ZFP1: variants seen among roughly 807,000 people sequenced by gnomAD.
ZFP1 encodes the protein ZFP1 zinc finger protein.
ZFP1 carries 32 observed loss-of-function variants against 38.5 expected under a neutral mutation model. That is an observed-to-expected ratio of 0.83 (90% confidence interval 0.63 to 1.12). The LOEUF is 1.12. ZFP1 is among the 50% of genes most tolerant of loss of function. ZFP1 has a pLI of 0.00. For synonymous variants in ZFP1, 245 were observed against 168.8 expected, an observed-to-expected ratio of 1.45 and a Z score of -3.50; for missense variants, 616 against 480.8, an observed-to-expected ratio of 1.28 and a Z score of -2.63.
In ZFP1 at chr16:75,154,120, A is replaced by G. The variant is rs888324862; in HGVS notation, c.15+1154A>G. On this transcript the variant is annotated intron_variant, in intron 2 of 3. Coordinates refer to ENST00000570010, the MANE Select transcript of ZFP1 (RefSeq NM_153688.4). ...GCGCCTGTAGTCCCAGCTACTCGGG[A>G]GGCTGAGGCAGGAGAATGGCGTGAA... is the stretch of plus-strand genomic sequence containing the variant. 4.7e-4 allele frequency among the ~76,000 whole-genome samples: 72 copies of G among 152,114 alleles called. 1 individual carries two copies. Among genetic ancestry groups the G allele is most frequent in the African/African-American group, 1.7e-3 (69 of 41,434 alleles).
upstream of ZFP1, among the ~76,000 whole-genome samples, chr16:75,147,744 T>C (rs539155797): frequency 4.1e-4 from 63 of 152,268 alleles, no homozygotes; most frequent in Non-Finnish European, 7.4e-4. Context: ...CCTAAAACTG[T>C]TCTAAAGGAT....
At chr16:75,167,194 C>G (rs1178110212) in intron 3 of ZFP1, among the ~76,000 whole-genome samples, 1 of 152,210 alleles carries the variant, frequency 6.6e-6, no homozygotes. Context: ...TCAGAACATT[C>G]TAAGGGAGAT....
the ZFP1 span, among the ~76,000 whole-genome samples, chr16:75,140,594 C>T: frequency 6.6e-6 from 1 of 152,180 alleles, no homozygotes; most frequent in African/African-American, 2.4e-5. Flanking sequence ...TCTGGCATGG[C>T]GCCTGCCACC....
At chr16:75,138,066 C>T in the ZFP1 span, among the ~76,000 whole-genome samples, 11 of 99,198 alleles carry the variant, frequency 1.1e-4, no homozygotes, top group African/African-American at 4.1e-5. Context: ...GAGACGGAGT[C>T]TCACTCTGTT....
chr16:75,155,920 A>G (rs1057419975), intron 2 of ZFP1, among the ~76,000 whole-genome samples: 1 of 152,180 alleles, frequency 6.6e-6, no homozygotes. Flanking sequence ...TCTTTTGTCT[A>G]ATTGGTGGAG....
chr16:75,160,521 T>C (rs1257762191), intron 2 of ZFP1, among the ~76,000 whole-genome samples: 1 of 151,960 alleles, frequency 6.6e-6, no homozygotes, highest in African/African-American at 2.4e-5. Context: ...TAGCCAAGTG[T>C]GGTGGCACTT....
intron 2 of ZFP1, among the ~76,000 whole-genome samples, chr16:75,153,498 G>A (rs778256522): frequency 4.6e-5 from 7 of 152,132 alleles, no homozygotes; most frequent in Non-Finnish European, 1.0e-4. Context: ...AAGATAGCAT[G>A]TTAATCATAC....
At chr16:75,134,316 T>C in the ZFP1 span, among the ~76,000 whole-genome samples, 1 of 152,226 alleles carries the variant, frequency 6.6e-6, no homozygotes, top group Non-Finnish European at 1.5e-5. Context: ...GAGATTGAAT[T>C]CAATAATTAG....
intron 2 of ZFP1, among the ~76,000 whole-genome samples, chr16:75,165,575 A>G (rs1257707785): frequency 2.0e-5 from 3 of 152,004 alleles, no homozygotes; most frequent in Non-Finnish European, 4.4e-5. Context: ...TTGTATTTTT[A>G]GTAGAGATGG....
chr16:75,135,200 A>T, the ZFP1 span, among the ~76,000 whole-genome samples: 1 of 130,990 alleles, frequency 7.6e-6, no homozygotes, highest in East Asian at 2.7e-4. Flanking sequence ...ACAGAGTGAG[A>T]CCTTATCTCA....
the ZFP1 span, among the ~76,000 whole-genome samples, chr16:75,120,795 G>A: frequency 1.4e-5 from 2 of 147,126 alleles, no homozygotes; most frequent in African/African-American, 5.0e-5. Flanking sequence ...TTGTTTGTTT[G>A]TTTTGTATTT....
At position 75,170,184 on chromosome 16, in the gene ZFP1, C is replaced by T; in HGVS notation, c.1074C>T (p.Gly358=). The change falls in exon 4 of 4, where the codon GGC becomes GGT. Residue 358 remains glycine, a synonymous_variant. Transcript: ENST00000570010. The stretch of plus-strand genomic sequence containing the variant: ...AACCCTATGAATGTACTGAGTGCGG[C>T]AAAACTTTCAGCCAGAGGTCAACTC... ...GEKPYECTEC[G]KTFSQRSTLR... 6.2e-7 allele frequency: 1 copy of T among 1,614,112 alleles called. No individual in the cohort carries two copies. The highest frequency in any genetic ancestry group is 8.5e-7 in the Non-Finnish European group (1 of 1,180,014).
At position 75,169,452 on chromosome 16, in the gene ZFP1, A is replaced by G. The variant is rs2038297972; in HGVS notation, c.342A>G (p.Lys114=). Residue 114 remains lysine (K), a synonymous_variant, in exon 4 of 4, where the codon AAA becomes AAG. Transcript: ENST00000570010. ...YKYDLYEKTL[K]YNSDLLNSNR... ...ATGACTTATATGAAAAAACTTTGAA[A>G]TATAATTCAGACTTGCTTAATAGTA... 1.9e-6 allele frequency: 3 copies of G among 1,612,820 alleles called. No homozygotes were observed. The highest frequency in any genetic ancestry group is 4.5e-5 in the East Asian group (2 of 44,874).
At chr16:75,128,885 G>C in the ZFP1 span, among the ~76,000 whole-genome samples, 25 of 152,298 alleles carry the variant, frequency 1.6e-4, no homozygotes, top group African/African-American at 5.8e-4. Context: ...CCGCCTCCGG[G>C]GTTCAAGCTA....
upstream of ZFP1, among the ~76,000 whole-genome samples, chr16:75,148,241 G>C: frequency 6.6e-6 from 1 of 152,200 alleles, no homozygotes; most frequent in Non-Finnish European, 1.5e-5. Context: ...TTTGTGTAAT[G>C]TTTAAAAGCC....
the ZFP1 span, among the ~76,000 whole-genome samples, chr16:75,125,285 T>G: frequency 2.6e-5 from 4 of 152,054 alleles, no homozygotes; most frequent in Non-Finnish European, 5.9e-5. Context: ...TAATTAAAAT[T>G]ATCACATCCT....
chr16:75,164,988 A>G (rs985060263), intron 2 of ZFP1, among the ~76,000 whole-genome samples: 2 of 152,080 alleles, frequency 1.3e-5, no homozygotes, highest in African/African-American at 4.8e-5. Flanking sequence ...TATTTTTAGT[A>G]GAGACGGGGT....
chr16:75,147,501 G>A (rs1221899379), upstream of ZFP1, among the ~76,000 whole-genome samples: 4 of 150,176 alleles, frequency 2.7e-5, no homozygotes, highest in African/African-American at 9.8e-5. Flanking sequence ...TGGCCAGGCT[G>A]GTTTCAAATT....
chr16:75,143,647 CTT>C (rs386385080), upstream of ZFP1, among the ~76,000 whole-genome samples: 2 of 93,792 alleles, frequency 2.1e-5, no homozygotes, highest in African/African-American at 4.2e-5. Context: ...GGAGGTGAAT[CTT>C]TTTTTTTTTT....
Sources: gnomAD v4.1 joint callset for allele counts (sites outside exome capture counted in the v4.1 genomes callset) on GRCh38, gnomAD v4.1.1 for gene constraint, MANE v1.5 for transcripts, NCBI Gene and HGNC (gene_info 2026-07-23, HGNC 2026-07-21) for gene names.